The following YPEL5 variants were observed in gnomAD, a reference collection of about 807,000 sequenced individuals.
YPEL5 encodes the protein yippee like 5.
Under a neutral mutation model 10.5 loss-of-function variants are expected in YPEL5, and 1 was observed. The observed-to-expected ratio is 0.10, with a 90% CI of 0.03 to 0.45. The LOEUF is 0.45. Among genes scored for constraint, YPEL5 ranks in the 20% least tolerant of loss-of-function variants. The pLI, the probability that YPEL5 is intolerant of heterozygous loss-of-function variation, is 0.97. For synonymous variants in YPEL5, 61 were observed against 56.6 expected (o/e 1.08, Z -0.35); for missense variants, 68 against 159.3 (o/e 0.43, Z 3.09).
intron 1 of YPEL5, among the ~76,000 whole-genome samples, chr2:30,152,304 C>T (rs1484833602): frequency 1.3e-5 from 2 of 152,084 alleles, no homozygotes; most frequent in Non-Finnish European, 2.9e-5. Context: ...CTCTATGTAG[C>T]AGAAATGAAG....
chr2:30,148,282 G>A (rs1675605658), intron 1 of YPEL5: 1 of 152,144 alleles, frequency 6.6e-6, no homozygotes, highest in African/African-American at 2.4e-5. Flanking sequence ...ATTCTACGTC[G>A]TCTTGACAGA....
rs1486796174 is a variant in YPEL5, at chr2:30,147,807, C to G, written c.-25+745C>G. 5 of 153,718 alleles carry G rather than the reference C, an allele frequency of 3.3e-5. No individual in the cohort carries two copies. The East Asian group carries it at 7.7e-4, about 24-fold the overall frequency. The allele number at this position is 153,718 out of a possible 1,614,324, so 9.5% of individuals were successfully genotyped here. ...GAGAGCCCCCCGGCCACCCGCTCAG[C>G]TGTTTCCTGCTCGTGTTTGTTGTGC... On this transcript the variant is annotated intron_variant, in intron 1 of 2. Transcript: ENST00000261353.
intron 2 of YPEL5, among the ~76,000 whole-genome samples, chr2:30,157,985 A>G (rs1229616017): frequency 6.6e-6 from 1 of 152,224 alleles, no homozygotes; most frequent in African/African-American, 2.4e-5. Context: ...AGCCAGAAAT[A>G]TGTACTATCT....
At chr2:30,149,678 A>C (rs576470312) in intron 1 of YPEL5, among the ~76,000 whole-genome samples, 11 of 152,192 alleles carry the variant, frequency 7.2e-5, no homozygotes, top group Non-Finnish European at 1.6e-4. Context: ...ATTTTAGCAG[A>C]GTCATTGCGA....
chr2:30,155,019 G>A (rs1302594732), intron 1 of YPEL5, among the ~76,000 whole-genome samples: 2 of 152,136 alleles, frequency 1.3e-5, no homozygotes, highest in Admixed American at 6.5e-5. Context: ...GATTACAGGT[G>A]TGAGCCACCG....
At chr2:30,149,686 C>G (rs1013882012) in intron 1 of YPEL5, among the ~76,000 whole-genome samples, 1 of 152,174 alleles carries the variant, frequency 6.6e-6, no homozygotes, top group Admixed American at 6.5e-5. Flanking sequence ...AGAGTCATTG[C>G]GAAACAAAAC....
chr2:30,152,853 A>G (rs577068852), intron 1 of YPEL5, among the ~76,000 whole-genome samples: 97 of 146,340 alleles, frequency 6.6e-4, no homozygotes, highest in Non-Finnish European at 1.2e-3. Context: ...TTCAAGTGTT[A>G]TATCTTAGTA....
In YPEL5 at chr2:30,159,097, A is replaced by T; in HGVS notation, c.*254A>T. On this transcript the variant is annotated 3_prime_UTR_variant, in exon 3 of 3. Coordinates refer to ENST00000261353, the MANE Select transcript of YPEL5 (RefSeq NM_016061.3). ...TTACCCTATGTTTACATCTTGAGGC[A>T]GCAGAGTCTGTCTGCAGCTATGTGG... 2.1e-6 allele frequency: 1 copy of T among 475,492 alleles called. No homozygotes were observed. The allele number at this position is 475,492 out of a possible 1,614,324, so 29.5% of individuals were successfully genotyped here.
intron 1 of YPEL5, among the ~76,000 whole-genome samples, chr2:30,151,755 A>G (rs1459593194): frequency 2.0e-5 from 3 of 152,226 alleles, no homozygotes; most frequent in Admixed American, 6.5e-5. Flanking sequence ...ACTGACATGT[A>G]CCAAAGCCTG....
rs1037098763 is a variant in YPEL5 at position 30,157,629 on chromosome 2, G to A, written c.141+837G>A. 3.9e-5 allele frequency among the ~76,000 whole-genome samples: 6 copies of A among 152,142 alleles called. No homozygotes were observed. The South Asian group carries it at 8.3e-4, about 21-fold the overall frequency. On this transcript the variant is annotated intron_variant, in intron 2 of 2. Coordinates refer to ENST00000261353, the MANE Select transcript of YPEL5 (RefSeq NM_016061.3). ...CTGGCTTGCTTTCAAATTGGATGCC[G>A]TGATTCTGCCTCCCGGAATCTGGTA...
intron 1 of YPEL5, among the ~76,000 whole-genome samples, chr2:30,152,876 A>C (rs1272263096): frequency 1.4e-5 from 2 of 145,208 alleles, no homozygotes; most frequent in African/African-American, 5.2e-5. Flanking sequence ...TTAGCTTTTT[A>C]ATGACTGTCC....
chr2:30,158,963 G>C lies in YPEL5; in HGVS notation c.*120G>C, dbSNP rs1175839734. 6.7e-6 allele frequency: 6 copies of C among 892,076 alleles called. No homozygotes were observed. Among genetic ancestry groups the C allele is most frequent in the Non-Finnish European group, 1.0e-5 (6 of 594,500 alleles). 55.3% of individuals were successfully genotyped at this position (892,076 alleles called of 1,614,324 possible). A position where few individuals can be genotyped will look rare whatever the true frequency, so the allele number is the denominator to read the frequency against. On this transcript the variant is annotated 3_prime_UTR_variant, in exon 3 of 3. Coordinates refer to ENST00000261353, the MANE Select transcript of YPEL5 (RefSeq NM_016061.3). ...AATGAACTGCGGAACAAGAGGTTGT[G>C]AGAATCTAAGATGGAACCTTTCTTT...
chr2:30,157,523 C>T (rs924379977), intron 2 of YPEL5, among the ~76,000 whole-genome samples: 1 of 152,204 alleles, frequency 6.6e-6, no homozygotes, highest in Non-Finnish European at 1.5e-5. Flanking sequence ...GCTCACCAAT[C>T]ATCCTTCCAT....
Position 30,158,925 on chromosome 2 carries a change from TCAGAG to T in YPEL5, c.*83_*87del. On this transcript the variant is annotated 3_prime_UTR_variant, in exon 3 of 3. Coordinates refer to ENST00000261353, the MANE Select transcript of YPEL5 (RefSeq NM_016061.3). ...ACTTACATACACTGTCACCTTAGCA[TCAGAG>T]TCGGATTAATGAACTGCGGAACAAG... 1 of 1,314,176 alleles carries T rather than the reference TCAGAG, an allele frequency of 7.6e-7. No individual in the cohort carries two copies. Among genetic ancestry groups the T allele is most frequent in the Non-Finnish European group, 1.1e-6 (1 of 936,836 alleles). The allele number at this position is 1,314,176 out of a possible 1,614,324, so 81.4% of individuals were successfully genotyped here.
At chr2:30,158,283 T>C (rs1676128598) in intron 2 of YPEL5, among the ~76,000 whole-genome samples, 1 of 152,216 alleles carries the variant, frequency 6.6e-6, no homozygotes, top group Admixed American at 6.5e-5. Flanking sequence ...TAATGATGAA[T>C]TACTACAACT....
intron 1 of YPEL5, among the ~76,000 whole-genome samples, chr2:30,155,235 A>T (rs1280585103): frequency 6.6e-6 from 1 of 152,218 alleles, no homozygotes; most frequent in Non-Finnish European, 1.5e-5. Context: ...CTAGCTGCAC[A>T]TTGTCATTAT....
At chr2:30,152,597 G>C (rs1056661485) in intron 1 of YPEL5, among the ~76,000 whole-genome samples, 20 of 152,228 alleles carry the variant, frequency 1.3e-4, no homozygotes, top group African/African-American at 4.6e-4. Flanking sequence ...CTGAGGGAGA[G>C]AGTAAATCTG....
intron 2 of YPEL5, among the ~76,000 whole-genome samples, chr2:30,157,618 A>G (rs536047088): frequency 4.6e-5 from 7 of 152,118 alleles, no homozygotes; most frequent in Admixed American, 2.0e-4. Context: ...CTTGCTTTCA[A>G]ATTGGATGCC....
At chr2:30,155,185 G>C (rs542228469) in intron 1 of YPEL5, among the ~76,000 whole-genome samples, 3 of 152,318 alleles carry the variant, frequency 2.0e-5, no homozygotes, top group African/African-American at 7.2e-5. Context: ...TTAGTGCAAG[G>C]TTCATTGTGA....
Sources: allele counts gnomAD v4.1 joint callset (sites outside exome capture counted in the v4.1 genomes callset), GRCh38; gene constraint gnomAD v4.1.1; transcripts MANE v1.5; gene names NCBI Gene and HGNC (gene_info 2026-07-23, HGNC 2026-07-21).